CACNA1G: variants seen among roughly 807,000 people sequenced by gnomAD.
CACNA1G encodes the protein calcium voltage-gated channel subunit alpha1 G.
CACNA1G carries 67 observed loss-of-function variants against 219.4 expected under a neutral mutation model. The ratio of observed to expected loss-of-function variants is 0.31; its 90% confidence interval spans 0.25 to 0.37. CACNA1G has a LOEUF of 0.37. Ranked by LOEUF, CACNA1G falls within the 10% of genes least tolerant of loss-of-function variation. The pLI, the probability that CACNA1G is intolerant of heterozygous loss-of-function variation, is 1.00. For missense variants in CACNA1G, 2,380 were observed against 3,231.4 expected, an observed-to-expected ratio of 0.74 and a Z score of 6.39; for synonymous variants, 1,296 against 1,345.3, an observed-to-expected ratio of 0.96 and a Z score of 0.80.
At chr17:50,573,245 A>C (rs1407474824) in intron 7 of CACNA1G, 132 bp downstream of exon 7, 5 of 667,598 alleles carry the variant, frequency 7.5e-6, no homozygotes, top group Non-Finnish European at 1.3e-5. Context: ...GAGGGCATCC[A>C]TCATATAGTA....
Position 50,617,396 on chromosome 17 carries a change from C to T in CACNA1G, c.5022-42C>T, listed in dbSNP as rs1226502506. The T allele has an allele frequency of 1.3e-6, 2 of 1,581,736 alleles. No individual in the cohort carries two copies. The highest frequency in any genetic ancestry group is 4.5e-5 in the East Asian group (2 of 44,236). ...CCACGACTGCCCCCTCCTTCAGGAA[C>T]CCCCTCCCCCAACTCAGGGAGCTGT... On this transcript the variant is annotated intron_variant, in intron 28 of 37. Transcript: ENST00000359106. This position sits in a 1 kb window ranked among gnomAD's most constrained non-coding sequence, Gnocchi z 5.8.
intron 6 of CACNA1G, 36 bp from the exon 7 acceptor site, chr17:50,572,984 TG>T: frequency 6.4e-7 from 1 of 1,562,584 alleles, no homozygotes; most frequent in South Asian, 1.2e-5. Flanking sequence ...GAGGATTTGG[TG>T]GGCCCATAGT....
chr17:50,581,793 A>T (rs1428193541), intron 9 of CACNA1G, among the ~76,000 whole-genome samples: 1 of 152,252 alleles, frequency 6.6e-6, no homozygotes, highest in Non-Finnish European at 1.5e-5. Context: ...GGGCCAGCCT[A>T]CATGTGTGCC....
chr17:50,572,682 G>C lies in CACNA1G; in HGVS notation c.875G>C (p.Gly292Ala). The C allele has an allele frequency of 6.2e-7, 1 of 1,612,616 alleles. No individual in the cohort carries two copies. Among genetic ancestry groups the C allele is most frequent in the Non-Finnish European group, 8.5e-7 (1 of 1,179,338 alleles). The change falls in exon 6 of 38, where the codon GGG becomes GCG. Residue 292 changes from glycine (G) to alanine (A), a missense_variant. Physicochemically the swap from Gly to Ala is moderately conservative, Grantham distance 60 (BLOSUM62 0). This residue lies in a region of CACNA1G where 68 missense variants were observed against 85.3 expected (regional missense o/e 0.80). Transcript: ENST00000359106. The part of the protein sequence containing the change: ...CRSVPTLRGD[G>A]GGGPPCGLDY... ...AGCGTGCCCACGCTGCGCGGGGACG[G>C]GGGCGGTGGCCCACCTTGCGGTCTG... is the stretch of plus-strand genomic sequence containing the variant.
intron 7 of CACNA1G, among the ~76,000 whole-genome samples, chr17:50,575,158 C>T (rs2040377518): frequency 6.6e-6 from 1 of 152,194 alleles, no homozygotes; most frequent in South Asian, 2.1e-4. Context: ...TTCGCTACTC[C>T]TAATGGAAAT....
In CACNA1G at chr17:50,596,898, G is replaced by A. The variant is rs2045667668; in HGVS notation, c.3233G>A (p.Gly1078Glu). The A allele has an allele frequency of 6.4e-7, 1 of 1,572,366 alleles. No individual in the cohort carries two copies. Among genetic ancestry groups the A allele is most frequent in the Non-Finnish European group, 8.6e-7 (1 of 1,159,042 alleles). ...RTSSSGSAEP[G>E]AAHEMKSPPS... ...AGCAGCAGCGGGTCGGCAGAGCCTG[G>A]GGCGGCCCACGAGATGAAGTCACCG... Residue 1078 changes from glycine (G) to glutamate (E), a missense_variant, in exon 16 of 38, where the codon GGG becomes GAG. This residue lies in a region of CACNA1G where 418 missense variants were observed against 434.3 expected (regional missense o/e 0.96). Coordinates refer to ENST00000359106, the MANE Select transcript of CACNA1G (RefSeq NM_018896.5). The surrounding 1 kb of genome is among the most constrained non-coding windows in gnomAD (Gnocchi z 4.8).
At chr17:50,587,415 C>T (rs562544525) in intron 9 of CACNA1G, among the ~76,000 whole-genome samples, 1 of 152,352 alleles carries the variant, frequency 6.6e-6, no homozygotes, top group South Asian at 2.1e-4. Flanking sequence ...GGCTCCACCC[C>T]TGCCCCTTTT....
chr17:50,597,891 A>G (rs902264840), intron 16 of CACNA1G, among the ~76,000 whole-genome samples: 2 of 152,158 alleles, frequency 1.3e-5, no homozygotes, highest in African/African-American at 4.8e-5. Context: ...GTGAGATCAT[A>G]TGGTATTTAT....
intron 13 of CACNA1G, among the ~76,000 whole-genome samples, chr17:50,594,444 G>T (rs555289184): frequency 6.6e-6 from 1 of 152,264 alleles, no homozygotes; most frequent in Non-Finnish European, 1.5e-5. Context: ...TCTGACTTTC[G>T]TCCATTCCTT....
In CACNA1G at chr17:50,626,737, G is replaced by A; in HGVS notation, c.7120G>A (p.Asp2374Asn). The A allele has an allele frequency of 6.2e-7, 1 of 1,613,180 alleles. No homozygotes were observed. The highest frequency in any genetic ancestry group is 8.5e-7 in the Non-Finnish European group (1 of 1,179,898). The change falls in exon 38 of 38, where the codon GAC (aspartate) becomes AAC (asparagine). Residue 2374 changes from aspartate (D) to asparagine (N), a missense_variant. This residue lies in a region of CACNA1G where 672 missense variants were observed against 670.5 expected (regional missense o/e 1.00). Transcript: ENST00000359106. The surrounding 1 kb of genome is among the most constrained non-coding windows in gnomAD (Gnocchi z 4.3). ...CTCCGGTTTATCCTCTGACCCAGCA[G>A]ACCTGGACCCCTGAGTCCTGCCCCA... ...SLSGLSSDPA[D>N]LDP
chr17:50,562,090 G>T (rs2035926819), intron 1 of CACNA1G: 1 of 146,308 alleles, frequency 6.8e-6, no homozygotes, highest in African/African-American at 2.6e-5. Flanking sequence ...TGCCCGCGCC[G>T]GTTAGCGAGC....
At chr17:50,624,324 T>TCCCCCCCCCCCCCCCCCCCCTGCCCCC in intron 36 of CACNA1G, 36 bp from the exon 37 acceptor site, 7 of 1,177,632 alleles carry the variant, frequency 5.9e-6, no homozygotes, top group East Asian at 2.7e-5. Context: ...CTCCATTCTC[T>TCCCCCCCCCCCCCCCCCCCCTGCCCCC]CCCCCCACCC....
intron 36 of CACNA1G, 120 bp downstream of exon 36, chr17:50,624,195 G>A: frequency 2.2e-6 from 3 of 1,341,332 alleles, no homozygotes; most frequent in East Asian, 2.4e-5. Context: ...CTGACCTCAG[G>A]GGAGCCTCCA....
chr17:50,599,327 C>A, intron 16 of CACNA1G, 101 bp from the exon 17 acceptor site: 2 of 1,080,998 alleles, frequency 1.9e-6, no homozygotes, highest in African/African-American at 1.6e-5. Context: ...CATCCCTACA[C>A]TTGATGTGAT....
At chr17:50,601,568 G>A (rs1321344163) in intron 19 of CACNA1G, among the ~76,000 whole-genome samples, 5 of 152,202 alleles carry the variant, frequency 3.3e-5, no homozygotes, top group Admixed American at 3.3e-4. Context: ...GCCGTTCTTT[G>A]CTCCTGGTCA....
At chr17:50,616,989 C>T (rs2050730654) in intron 28 of CACNA1G, among the ~76,000 whole-genome samples, 2 of 152,088 alleles carry the variant, frequency 1.3e-5, no homozygotes, top group Non-Finnish European at 2.9e-5. Flanking sequence ...TACGGGCACC[C>T]ACTGCCACAC....
At chr17:50,575,461 A>G in intron 7 of CACNA1G, 82 bp from the exon 8 acceptor site, 1 of 1,380,964 alleles carries the variant, frequency 7.2e-7, no homozygotes, top group South Asian at 1.4e-5. Flanking sequence ...CTTGGCTCAT[A>G]GGAATGCCTC....
chr17:50,590,444 T>G, intron 9 of CACNA1G, 27 bp from the exon 10 acceptor site: 1 of 1,612,786 alleles, frequency 6.2e-7, no homozygotes, highest in Non-Finnish European at 8.5e-7. Flanking sequence ...ATAAGCCAGC[T>G]GCCTCACATC....
At chr17:50,606,119 G>A (rs1189427721) in intron 23 of CACNA1G, 96 bp downstream of exon 23, 2 of 1,504,642 alleles carry the variant, frequency 1.3e-6, no homozygotes, top group African/African-American at 1.4e-5. Context: ...GTGGAGGTGG[G>A]CTCCACGAAG....
Sources: gnomAD v4.1 joint callset for allele counts (sites outside exome capture counted in the v4.1 genomes callset) on GRCh38, gnomAD v4.1.1 for gene constraint, gnomAD v4.1.1 regional missense constraint, Gnocchi (gnomAD v3.1) non-coding constraint, MANE v1.5 for transcripts, NCBI Gene and HGNC (gene_info 2026-07-23, HGNC 2026-07-21) for gene names.